Variants in LRP1B observed in about 807,000 individuals in gnomAD.
LRP1B encodes low-density lipoprotein receptor-related protein 1B.
A neutral mutation model predicts 556.6 loss-of-function variants in LRP1B; 217 were observed. The observed-to-expected ratio is 0.39, with a 90% CI of 0.35 to 0.44. The LOEUF is 0.44. Among genes scored for constraint, LRP1B ranks in the 20% least tolerant of loss-of-function variants. LRP1B has a pLI of 1.00. For missense variants in LRP1B, 5,053 were observed against 5,620.8 expected (o/e 0.90, Z 3.23); for synonymous variants, 2,047 against 1,865.8 (o/e 1.10, Z -2.50).
intron 15 of LRP1B, among the ~76,000 whole-genome samples, chr2:140,999,419 A>T (rs1697347039): frequency 6.6e-6 from 1 of 152,050 alleles, no homozygotes; most frequent in African/African-American, 2.4e-5. Flanking sequence ...AAAGAGACCA[A>T]CAGTCTCAGA....
Position 140,850,181 on chromosome 2 carries a change from T to C in LRP1B, c.4860A>G (p.Leu1620=), listed in dbSNP as rs1039090130. The change falls in exon 29 of 91, where the codon TTA becomes TTG. Residue 1620 remains leucine, a synonymous_variant. Transcript: ENST00000389484. ...TTTGTGTTTTAATATCTGTCCAGTA[T>C]AAACGTTCCTCAGATGCATCGAAGT... ...VIDFDASEER[L]YWTDIKTQTI... 6.2e-7 allele frequency: 1 copy of C among 1,613,858 alleles called. No individual in the cohort carries two copies. Among genetic ancestry groups the C allele is most frequent in the Admixed American group, 1.7e-5 (1 of 60,026 alleles).
intron 3 of LRP1B, among the ~76,000 whole-genome samples, chr2:141,426,054 G>T (rs1199083384): frequency 6.6e-6 from 1 of 151,920 alleles, no homozygotes; most frequent in Non-Finnish European, 1.5e-5. Flanking sequence ...ATGGTTTTAG[G>T]TCTAACGTTT....
At chr2:140,468,249 T>C (rs1472223551) in intron 60 of LRP1B, among the ~76,000 whole-genome samples, 2 of 152,068 alleles carry the variant, frequency 1.3e-5, no homozygotes, top group Admixed American at 6.6e-5. Flanking sequence ...GGAAGTCAAA[T>C]ATAGTAAGTC....
intron 2 of LRP1B, among the ~76,000 whole-genome samples, chr2:141,696,981 T>C (rs1276511987): frequency 6.6e-6 from 1 of 151,970 alleles, no homozygotes; most frequent in Admixed American, 6.6e-5. Context: ...CATAGAACTG[T>C]CCTTATAAAA....
intron 32 of LRP1B, 122 bp from the exon 33 acceptor site, chr2:140,776,360 A>G: frequency 3.3e-6 from 2 of 607,660 alleles, no homozygotes; most frequent in Non-Finnish European, 4.9e-6. Context: ...TCTGTTTCTA[A>G]GGGAAACAGT....
intron 49 of LRP1B, among the ~76,000 whole-genome samples, chr2:140,518,984 G>T (rs1410881491): frequency 2.6e-5 from 4 of 152,070 alleles, no homozygotes; most frequent in African/African-American, 9.7e-5. Flanking sequence ...TGGAAGAACA[G>T]TCCATGCTTA....
intron 28 of LRP1B, among the ~76,000 whole-genome samples, chr2:140,850,853 C>T (rs1023641771): frequency 6.6e-6 from 1 of 151,964 alleles, no homozygotes; most frequent in African/African-American, 2.4e-5. Context: ...TAGTAACTAA[C>T]ATTGTGAGGC....
chr2:140,495,512 A>G (rs1283294564), intron 56 of LRP1B, 53 bp downstream of exon 56: 1 of 1,480,198 alleles, frequency 6.8e-7, no homozygotes, highest in Non-Finnish European at 9.2e-7. Context: ...TATAAAATTC[A>G]GGATCCATAT....
intron 7 of LRP1B, among the ~76,000 whole-genome samples, chr2:141,147,810 C>T (rs1701823127): frequency 6.6e-6 from 1 of 152,140 alleles, no homozygotes; most frequent in African/African-American, 2.4e-5. Context: ...CAATGATAAA[C>T]TGCATACACA....
chr2:141,106,556 G>T (rs1210885669), intron 7 of LRP1B, among the ~76,000 whole-genome samples: 3 of 149,470 alleles, frequency 2.0e-5, no homozygotes, highest in African/African-American at 7.3e-5. Flanking sequence ...TGTCTGGAAT[G>T]CATGCATATC....
intron 3 of LRP1B, among the ~76,000 whole-genome samples, chr2:141,373,951 C>T (rs1032736810): frequency 2.6e-5 from 4 of 151,558 alleles, no homozygotes; most frequent in South Asian, 2.1e-4. Flanking sequence ...ATAAAACCTG[C>T]GAGTTTTATA....
chr2:140,697,718 G>T (rs768080366), intron 41 of LRP1B, among the ~76,000 whole-genome samples: 1 of 151,950 alleles, frequency 6.6e-6, no homozygotes, highest in Admixed American at 6.6e-5. Context: ...CCACTTATAT[G>T]AAATATCTAG....
intron 3 of LRP1B, among the ~76,000 whole-genome samples, chr2:141,378,036 T>C (rs1689502111): frequency 6.6e-6 from 1 of 152,172 alleles, no homozygotes; most frequent in Admixed American, 6.6e-5. Context: ...GACTGATCAT[T>C]CCTGCTTTTG....
chr2:141,823,636 T>A (rs1307102406), intron 1 of LRP1B, among the ~76,000 whole-genome samples: 2 of 152,058 alleles, frequency 1.3e-5, no homozygotes, highest in Non-Finnish European at 2.9e-5. Context: ...TAAATAATAG[T>A]TCATATTATA....
chr2:140,824,808 A>C (rs1429328), intron 31 of LRP1B, among the ~76,000 whole-genome samples: 119,150 of 151,970 alleles, frequency 0.78, 48,107 homozygotes, highest in East Asian at 0.89. Flanking sequence ...CACACATTCA[A>C]AAATTAATCT....
At chr2:141,842,154 T>C (rs917104886) in intron 1 of LRP1B, among the ~76,000 whole-genome samples, 2 of 152,206 alleles carry the variant, frequency 1.3e-5, no homozygotes, top group African/African-American at 4.8e-5. Context: ...TCATACTTTC[T>C]GAAACAAATT....
chr2:140,922,278 GTA>G (rs1040808416), intron 21 of LRP1B, among the ~76,000 whole-genome samples: 2 of 97,334 alleles, frequency 2.1e-5, no homozygotes, highest in Admixed American at 2.1e-4. Context: ...TTTCCTATTT[GTA>G]TACACACACA....
intron 2 of LRP1B, among the ~76,000 whole-genome samples, chr2:141,708,173 T>C (rs1692218146): frequency 6.6e-6 from 1 of 152,204 alleles, no homozygotes; most frequent in South Asian, 2.1e-4. Context: ...CACGTTTACC[T>C]ATGTAACAAA....
At chr2:141,833,197 C>T (rs958660482) in intron 1 of LRP1B, among the ~76,000 whole-genome samples, 1 of 151,624 alleles carries the variant, frequency 6.6e-6, no homozygotes, top group Non-Finnish European at 1.5e-5. Flanking sequence ...TAATAAATAG[C>T]TAATTTCTTA....
Sources: gnomAD v4.1 joint callset for allele counts (sites outside exome capture counted in the v4.1 genomes callset) on GRCh38, gnomAD v4.1.1 for gene constraint, MANE v1.5 for transcripts, NCBI Gene and HGNC (gene_info 2026-07-23, HGNC 2026-07-21) for gene names.